The following SYT9 variants were observed in gnomAD, a reference collection of about 807,000 sequenced individuals.
SYT9 encodes the protein synaptotagmin-9.
Under a neutral mutation model 48.4 loss-of-function variants are expected in SYT9, and 22 were observed. The observed-to-expected ratio is 0.45, with a 90% CI of 0.32 to 0.65. The LOEUF (loss-of-function observed/expected upper bound fraction) is 0.65, where lower values mean the gene tolerates loss of function less well. Ranked by LOEUF, SYT9 falls within the 30% of genes least tolerant of loss-of-function variation. The probability of loss-of-function intolerance (pLI) is 0.03; values close to 1 mark genes in which losing one functional copy is unlikely to be tolerated. For missense variants in SYT9, 577 were observed against 622.0 expected (o/e 0.93, Z 0.77); for synonymous variants, 265 against 245.0 (o/e 1.08, Z -0.76).
In SYT9 at chr11:7,391,751, A is replaced by C. The variant is rs1418211734; in HGVS notation, c.1045-24291A>C. ...CCCCATCTCTAAAAAAAAAAAAAAA[A>C]AAAAAAAAAAAAAACCTAGCTAGGC... On this transcript the variant is annotated intron_variant, in intron 3 of 6. Transcript: ENST00000318881. 6.8e-5 allele frequency among the ~76,000 whole-genome samples: 10 copies of C among 146,608 alleles called. No homozygotes were observed. The South Asian group carries it at 1.3e-3, about 20-fold the overall frequency.
At chr11:7,310,192 G>T (rs567906254) in intron 2 of SYT9, among the ~76,000 whole-genome samples, 8 of 152,004 alleles carry the variant, frequency 5.3e-5, no homozygotes, top group African/African-American at 1.7e-4. Flanking sequence ...GGAGTGTAGT[G>T]GCGTGATCTC....
intron 1 of SYT9, among the ~76,000 whole-genome samples, chr11:7,239,471 CT>C (rs1847718433): frequency 6.6e-6 from 1 of 152,130 alleles, no homozygotes; most frequent in South Asian, 2.1e-4. Context: ...AAACCTAACA[CT>C]GGAAAGAAGA....
chr11:7,255,033 GTT>G (rs1564837464), intron 1 of SYT9, among the ~76,000 whole-genome samples: 2 of 151,586 alleles, frequency 1.3e-5, no homozygotes, highest in African/African-American at 4.9e-5. Flanking sequence ...CTAAGTCACA[GTT>G]GGAACTGAAG....
At chr11:7,393,635 C>T (rs2134064250) in intron 3 of SYT9, among the ~76,000 whole-genome samples, 1 of 152,020 alleles carries the variant, frequency 6.6e-6, no homozygotes, top group Non-Finnish European at 1.5e-5. Flanking sequence ...GCCTCCTTCT[C>T]AATTTTTGGA....
intron 2 of SYT9, among the ~76,000 whole-genome samples, chr11:7,308,073 A>C (rs1304896203): frequency 6.6e-6 from 1 of 152,190 alleles, no homozygotes; most frequent in African/African-American, 2.4e-5. Context: ...GTCTGTCCCT[A>C]TCCAGGATTT....
At chr11:7,258,545 A>G (rs546534262) in intron 1 of SYT9, among the ~76,000 whole-genome samples, 3 of 152,228 alleles carry the variant, frequency 2.0e-5, no homozygotes, top group Non-Finnish European at 4.4e-5. Flanking sequence ...ATCAACATTG[A>G]TAGAACTGCA....
chr11:7,320,851 G>C (rs1052138281), intron 3 of SYT9, among the ~76,000 whole-genome samples: 1 of 152,202 alleles, frequency 6.6e-6, no homozygotes, highest in Non-Finnish European at 1.5e-5. Context: ...ACATCTTTGT[G>C]AGGATTTTAT....
chr11:7,249,062 T>C (rs1049851053), upstream of SYT9, among the ~76,000 whole-genome samples: 1 of 152,140 alleles, frequency 6.6e-6, no homozygotes, highest in African/African-American at 2.4e-5. Flanking sequence ...ATGATTCTTA[T>C]AAGGAAACTA....
chr11:7,362,765 A>G, intron 3 of SYT9, among the ~76,000 whole-genome samples: 1 of 152,144 alleles, frequency 6.6e-6, no homozygotes, highest in Non-Finnish European at 1.5e-5. Context: ...TGTCTGTTGT[A>G]AATAACATAG....
chr11:7,374,579 C>G (rs1850420362), intron 3 of SYT9, among the ~76,000 whole-genome samples: 1 of 152,244 alleles, frequency 6.6e-6, no homozygotes, highest in African/African-American at 2.4e-5. Flanking sequence ...TCTCCACCAT[C>G]TGTTGCTTCC....
intron 3 of SYT9, among the ~76,000 whole-genome samples, chr11:7,362,169 G>T (rs775416477): frequency 1.4e-5 from 2 of 141,592 alleles, no homozygotes; most frequent in Non-Finnish European, 3.0e-5. Flanking sequence ...TTTTGAGATG[G>T]AGTCTCCCTC....
At chr11:7,325,241 T>TG (rs35190900) in intron 3 of SYT9, among the ~76,000 whole-genome samples, 87,897 of 141,478 alleles carry the variant, frequency 0.62, 27,172 homozygotes, top group East Asian at 0.91. Context: ...TTCCTACCCA[T>TG]GAGCATGGAA....
chr11:7,382,137 T>C (rs1286262407), intron 3 of SYT9, among the ~76,000 whole-genome samples: 1 of 152,204 alleles, frequency 6.6e-6, no homozygotes, highest in Non-Finnish European at 1.5e-5. Context: ...TTCTATGCTG[T>C]GCAACTCGTG....
chr11:7,430,908 G>C (rs907543906), intron 6 of SYT9, among the ~76,000 whole-genome samples: 1 of 152,162 alleles, frequency 6.6e-6, no homozygotes, highest in Admixed American at 6.5e-5. Flanking sequence ...AAATTGCCCA[G>C]TCCCAGGTAT....
intron 3 of SYT9, among the ~76,000 whole-genome samples, chr11:7,360,322 C>A (rs564223451): frequency 6.6e-6 from 1 of 152,270 alleles, no homozygotes; most frequent in East Asian, 1.9e-4. Context: ...TTAGGATTGA[C>A]TTGGCATTGC....
intron 3 of SYT9, among the ~76,000 whole-genome samples, chr11:7,319,283 A>G (rs1284823812): frequency 2.8e-5 from 4 of 142,582 alleles, no homozygotes; most frequent in African/African-American, 2.6e-5. Flanking sequence ...ATAACTTTCA[A>G]CTGAAAGCCA....
At chr11:7,319,923 C>T (rs1232241631) in intron 3 of SYT9, among the ~76,000 whole-genome samples, 1 of 152,194 alleles carries the variant, frequency 6.6e-6, no homozygotes, top group East Asian at 1.9e-4. Flanking sequence ...GGTCCGTCAG[C>T]TCTGCTACAC....
chr11:7,287,535 T>A (rs1443782513), intron 1 of SYT9, among the ~76,000 whole-genome samples: 1 of 152,236 alleles, frequency 6.6e-6, no homozygotes, highest in Non-Finnish European at 1.5e-5. Context: ...CATTAAGTAA[T>A]AATTGGATAT....
chr11:7,397,221 C>A (rs1846772819), intron 3 of SYT9, among the ~76,000 whole-genome samples: 1 of 152,006 alleles, frequency 6.6e-6, no homozygotes, highest in Non-Finnish European at 1.5e-5. Context: ...TCTTTGTTTG[C>A]AAATAGATAT....
Sources: gnomAD v4.1 joint callset for allele counts (sites outside exome capture counted in the v4.1 genomes callset) on GRCh38, gnomAD v4.1.1 for gene constraint, MANE v1.5 for transcripts, NCBI Gene and HGNC (gene_info 2026-07-23, HGNC 2026-07-21) for gene names.